PHKA1: variants seen among roughly 807,000 people sequenced by gnomAD.
The protein encoded by PHKA1 is phosphorylase kinase regulatory subunit alpha 1.
Under a neutral mutation model 110.2 loss-of-function variants are expected in PHKA1, and 60 were observed. The observed-to-expected ratio is 0.54, with a 90% CI of 0.44 to 0.68. The LOEUF (loss-of-function observed/expected upper bound fraction) is 0.68. Among genes scored for constraint, PHKA1 ranks in the 30% least tolerant of loss-of-function variants. The pLI, the probability that PHKA1 is intolerant of heterozygous loss-of-function variation, is 0.00. For missense variants in PHKA1, 801 were observed against 942.5 expected (o/e 0.85, Z 1.97); for synonymous variants, 316 against 333.6 (o/e 0.95, Z 0.58).
At chrX:72,706,618 A>G (rs781924223) in intron 2 of PHKA1, among the ~76,000 whole-genome samples, 1 of 111,465 alleles carries the variant, frequency 9.0e-6, no homozygotes, top group East Asian at 2.8e-4. Flanking sequence ...CTTTATATCA[A>G]TGGCCTAAAG....
rs1249056546 is a variant in PHKA1, at chrX:72,580,397, A to T, written c.*605T>A. On this transcript the variant is annotated 3_prime_UTR_variant, in exon 32 of 32. Transcript: ENST00000373542. ...AGAGAGGGCAACAGTAGAGACAATG[A>T]TTCTACATAGAAACAATTTTAAATT... 8.7e-6 allele frequency: 1 copy of T among 114,549 alleles called. No homozygotes were observed. Among genetic ancestry groups the T allele is most frequent in the Non-Finnish European group, 1.8e-5 (1 of 54,610 alleles). 9.4% of individuals were successfully genotyped at this position (114,549 alleles called of 1,213,427 possible).
chrX:72,617,883 T>A (rs1556271601), intron 21 of PHKA1, among the ~76,000 whole-genome samples: 2 of 108,779 alleles, frequency 1.8e-5, no homozygotes, highest in African/African-American at 6.7e-5. Flanking sequence ...TCCGAACTCA[T>A]TTTATGAGGC....
At chrX:72,655,251 C>A (rs1288999433) in intron 10 of PHKA1, among the ~76,000 whole-genome samples, 5 of 111,536 alleles carry the variant, frequency 4.5e-5, no homozygotes, top group African/African-American at 1.3e-4. Flanking sequence ...CTACAAAAAA[C>A]AAACAAACAA....
intron 23 of PHKA1, among the ~76,000 whole-genome samples, chrX:72,608,896 GAT>G (rs1237180345): frequency 8.9e-6 from 1 of 112,000 alleles, no homozygotes; most frequent in Non-Finnish European, 1.9e-5. Context: ...AGATTCTTCA[GAT>G]CATTTATGAA....
intron 31 of PHKA1, among the ~76,000 whole-genome samples, chrX:72,581,381 T>A (rs935764051): frequency 1.8e-5 from 2 of 111,536 alleles, no homozygotes; most frequent in African/African-American, 6.5e-5. Flanking sequence ...GGTCCCCAAA[T>A]CATGTAAATT....
chrX:72,700,619 ATTTC>A (rs2054193027), intron 3 of PHKA1, among the ~76,000 whole-genome samples: 1 of 111,785 alleles, frequency 8.9e-6, no homozygotes, highest in Non-Finnish European at 1.9e-5. Context: ...GAGGTAACAA[ATTTC>A]TTTGTCAATT....
intron 8 of PHKA1, 114 bp downstream of exon 8, chrX:72,666,037 A>G (rs1287479950): frequency 1.3e-6 from 1 of 755,031 alleles, no homozygotes. Flanking sequence ...GACAACTCAG[A>G]AAACTTAAAG....
At chrX:72,675,799 AGAT>A (rs782209737) in intron 6 of PHKA1, among the ~76,000 whole-genome samples, 2 of 110,355 alleles carry the variant, frequency 1.8e-5, no homozygotes, top group South Asian at 7.8e-4. Context: ...GTAATGGTAG[AGAT>A]GATAAGTTTA....
intron 23 of PHKA1, among the ~76,000 whole-genome samples, chrX:72,608,799 G>GT (rs781825810): frequency 1.3e-4 from 14 of 110,334 alleles, no homozygotes; most frequent in Middle Eastern, 4.7e-3. Flanking sequence ...ATTGACAAAA[G>GT]TTTTTTTTTA....
At chrX:72,620,028 C>T (rs1438513614) in intron 19 of PHKA1, among the ~76,000 whole-genome samples, 1 of 111,933 alleles carries the variant, frequency 8.9e-6, no homozygotes, top group Non-Finnish European at 1.9e-5. Flanking sequence ...GAGCTTTTCC[C>T]TATTATAAAT....
At chrX:72,595,027 A>G (rs1381188289) in intron 28 of PHKA1, among the ~76,000 whole-genome samples, 1 of 112,027 alleles carries the variant, frequency 8.9e-6, no homozygotes, top group African/African-American at 3.2e-5. Flanking sequence ...TTATGAATAT[A>G]GATGCGAAAA....
At chrX:72,652,718 G>T in intron 11 of PHKA1, 67 bp from the exon 12 acceptor site, 1 of 669,272 alleles carries the variant, frequency 1.5e-6, no homozygotes, top group Non-Finnish European at 2.4e-6. Flanking sequence ...ATAATAAAAA[G>T]GTGGACTGGA....
intron 14 of PHKA1, among the ~76,000 whole-genome samples, chrX:72,639,726 T>C (rs782574877): frequency 2.6e-4 from 29 of 111,986 alleles, no homozygotes; most frequent in Non-Finnish European, 3.9e-4. Context: ...TACCTTTTTT[T>C]TGTAAAATTG....
intron 29 of PHKA1, among the ~76,000 whole-genome samples, chrX:72,584,739 T>A (rs1330891970): frequency 1.9e-5 from 2 of 107,020 alleles, no homozygotes; most frequent in African/African-American, 6.7e-5. Flanking sequence ...TTTCCTTTTT[T>A]TTTTAACACT....
At chrX:72,604,087 G>A (rs2147678202) in intron 25 of PHKA1, among the ~76,000 whole-genome samples, 1 of 109,235 alleles carries the variant, frequency 9.2e-6, no homozygotes, top group South Asian at 4.1e-4. Flanking sequence ...CTAAATTAAG[G>A]AAAAGTGAAT....
chrX:72,621,326 T>C (rs1187063193), intron 18 of PHKA1, among the ~76,000 whole-genome samples: 3 of 111,430 alleles, frequency 2.7e-5, no homozygotes, highest in African/African-American at 9.8e-5. Context: ...GCAAAAATCT[T>C]CTTAGTCACC....
chrX:72,644,961 G>A (rs1556296766), intron 13 of PHKA1, among the ~76,000 whole-genome samples: 2 of 111,641 alleles, frequency 1.8e-5, no homozygotes, highest in African/African-American at 6.5e-5. Context: ...GTGAATTGGG[G>A]ATAACAATTT....
At chrX:72,608,456 C>T (rs1186396052) in intron 23 of PHKA1, among the ~76,000 whole-genome samples, 1 of 111,775 alleles carries the variant, frequency 8.9e-6, no homozygotes, top group Non-Finnish European at 1.9e-5. Context: ...GCATGCACCC[C>T]AAGTCCATTG....
At chrX:72,625,537 A>AT (rs2053048455) in intron 17 of PHKA1, among the ~76,000 whole-genome samples, 1 of 111,775 alleles carries the variant, frequency 8.9e-6, no homozygotes, top group African/African-American at 3.3e-5. Context: ...GTTGATGCCC[A>AT]TCTTTATCTT....
Sources: gnomAD v4.1 joint callset for allele counts (sites outside exome capture counted in the v4.1 genomes callset) on GRCh38, gnomAD v4.1.1 for gene constraint, MANE v1.5 for transcripts, NCBI Gene and HGNC (gene_info 2026-07-23, HGNC 2026-07-21) for gene names.